SGCZ: variants seen among roughly 807,000 people sequenced by gnomAD.
SGCZ encodes sarcoglycan zeta.
A neutral mutation model predicts 41.3 loss-of-function variants in SGCZ; 40 were observed. The observed-to-expected ratio is 0.97, with a 90% CI of 0.75 to 1.26. The LOEUF (loss-of-function observed/expected upper bound fraction) is 1.26. SGCZ is among the 50% of genes most tolerant of loss of function. The pLI is 0.00. For synonymous variants in SGCZ, 206 were observed against 137.5 expected, an observed-to-expected ratio of 1.50 and a Z score of -3.49; for missense variants, 552 against 369.8, an observed-to-expected ratio of 1.49 and a Z score of -4.04.
chr8:15,116,166 C>G (rs528065751), intron 1 of SGCZ, among the ~76,000 whole-genome samples: 1 of 152,264 alleles, frequency 6.6e-6, no homozygotes, highest in African/African-American at 2.4e-5. Flanking sequence ...TGAAATGGTG[C>G]TACATCCCAT....
At chr8:14,627,688 G>A (rs554916185) in intron 1 of SGCZ, among the ~76,000 whole-genome samples, 1 of 151,966 alleles carries the variant, frequency 6.6e-6, no homozygotes, top group Non-Finnish European at 1.5e-5. Flanking sequence ...CCTTGGATTA[G>A]GCGCATCATA....
At chr8:14,288,865 A>G (rs1476265444) in intron 3 of SGCZ, among the ~76,000 whole-genome samples, 1 of 152,116 alleles carries the variant, frequency 6.6e-6, no homozygotes, top group Non-Finnish European at 1.5e-5. Context: ...AATGTTTTCC[A>G]TGGGGCTGTC....
intron 3 of SGCZ, among the ~76,000 whole-genome samples, chr8:14,286,284 C>T (rs1471064294): frequency 6.6e-6 from 1 of 152,118 alleles, no homozygotes; most frequent in Non-Finnish European, 1.5e-5. Context: ...AGACATCTGG[C>T]TAAGATCTGG....
intron 3 of SGCZ, among the ~76,000 whole-genome samples, chr8:14,273,322 T>G (rs1800120964): frequency 6.6e-6 from 1 of 152,286 alleles, no homozygotes; most frequent in East Asian, 1.9e-4. Context: ...ACCTAATATT[T>G]CCTTCCTTTA....
chr8:14,324,376 G>C (rs1358352949), intron 2 of SGCZ, among the ~76,000 whole-genome samples, 172 bp from the exon 3 acceptor site: 2 of 152,092 alleles, frequency 1.3e-5, no homozygotes, highest in Non-Finnish European at 2.9e-5. Flanking sequence ...CATGCATATA[G>C]AGGGCTCTAT....
chr8:14,290,133 C>G (rs1206592874), intron 3 of SGCZ, among the ~76,000 whole-genome samples: 1 of 151,900 alleles, frequency 6.6e-6, no homozygotes, highest in Non-Finnish European at 1.5e-5. Flanking sequence ...TGACACAGAG[C>G]CAAACTGTAT....
At chr8:14,930,704 G>C (rs370685097) in intron 1 of SGCZ, among the ~76,000 whole-genome samples, 1 of 151,950 alleles carries the variant, frequency 6.6e-6, no homozygotes, top group Non-Finnish European at 1.5e-5. Context: ...GATGACGCTG[G>C]AAACCATCAT....
At chr8:14,845,581 C>A (rs573694410) in intron 1 of SGCZ, among the ~76,000 whole-genome samples, 2 of 152,150 alleles carry the variant, frequency 1.3e-5, no homozygotes, top group Admixed American at 1.3e-4. Context: ...GACAGAAACA[C>A]GAATACAGTC....
intron 1 of SGCZ, among the ~76,000 whole-genome samples, chr8:15,234,328 C>T (rs914062037): frequency 3.3e-5 from 5 of 152,204 alleles, no homozygotes; most frequent in Admixed American, 1.3e-4. Context: ...TTAACACCCA[C>T]ATTTCCAAAG....
At chr8:14,284,119 T>C (rs1353264413) in intron 3 of SGCZ, among the ~76,000 whole-genome samples, 1 of 152,238 alleles carries the variant, frequency 6.6e-6, no homozygotes, top group African/African-American at 2.4e-5. Flanking sequence ...CTGCTGAGCC[T>C]CGTGGCCAAT....
intron 2 of SGCZ, among the ~76,000 whole-genome samples, chr8:14,360,537 G>A (rs1355115730): frequency 6.6e-6 from 1 of 152,022 alleles, no homozygotes; most frequent in Admixed American, 6.6e-5. Flanking sequence ...TGTTGGCCAG[G>A]CTGGTCTCGA....
chr8:14,335,101 T>C (rs964702229), intron 2 of SGCZ, among the ~76,000 whole-genome samples: 4 of 152,102 alleles, frequency 2.6e-5, no homozygotes, highest in African/African-American at 9.7e-5. Flanking sequence ...AGCAATATGA[T>C]TGATAACAGT....
chr8:14,739,309 A>G (rs1799135040), intron 1 of SGCZ, among the ~76,000 whole-genome samples: 1 of 152,104 alleles, frequency 6.6e-6, no homozygotes, highest in South Asian at 2.1e-4. Context: ...CTAGTATGCC[A>G]TCCAATGTTT....
chr8:15,216,190 T>C (rs1801393378), intron 1 of SGCZ, among the ~76,000 whole-genome samples: 1 of 151,850 alleles, frequency 6.6e-6, no homozygotes, highest in Admixed American at 6.6e-5. Flanking sequence ...AAAAGGATGT[T>C]TTAAGTATCA....
At chr8:14,431,650 C>A (rs542819044) in intron 2 of SGCZ, among the ~76,000 whole-genome samples, 18 of 152,178 alleles carry the variant, frequency 1.2e-4, no homozygotes, top group African/African-American at 4.3e-4. Flanking sequence ...GACAAAGAAC[C>A]CAAAATCAAA....
At chr8:14,642,470 G>A (rs943388129) in intron 1 of SGCZ, among the ~76,000 whole-genome samples, 2 of 151,098 alleles carry the variant, frequency 1.3e-5, no homozygotes, top group African/African-American at 2.4e-5. Context: ...CTATATGTAA[G>A]GTAACTTACT....
intron 3 of SGCZ, among the ~76,000 whole-genome samples, chr8:14,296,735 T>G (rs572620817): frequency 1.1e-4 from 16 of 152,084 alleles, no homozygotes; most frequent in African/African-American, 3.9e-4. Context: ...AGGAAATAGA[T>G]TAGGTCACTA....
In SGCZ at chr8:14,828,297, T is replaced by C. The variant is rs183576620; in HGVS notation, c.40-273371A>G. ...CAGGAACAAATGATTTATGTCAATT[T>C]GCAAGGAAAAAAGTTATCTTATTTG... is the stretch of plus-strand genomic sequence containing the variant. On this transcript the variant is annotated intron_variant, in intron 1 of 7. Coordinates refer to ENST00000382080, the MANE Select transcript of SGCZ (RefSeq NM_139167.4). Among the ~76,000 whole-genome samples the C allele has an allele frequency of 4.2e-3, 633 of 152,312 alleles. 5 individuals carry two copies. The highest frequency in any genetic ancestry group is 0.016 in the South Asian group (75 of 4,820).
intron 3 of SGCZ, among the ~76,000 whole-genome samples, chr8:14,318,949 A>C (rs556362312): frequency 2.5e-4 from 38 of 151,838 alleles, no homozygotes; most frequent in Non-Finnish European, 4.4e-4. Flanking sequence ...ACAAAAAAAA[A>C]TATGAATTAG....
Sources: gnomAD v4.1 joint callset for allele counts (sites outside exome capture counted in the v4.1 genomes callset) on GRCh38, gnomAD v4.1.1 for gene constraint, MANE v1.5 for transcripts, NCBI Gene and HGNC (gene_info 2026-07-23, HGNC 2026-07-21) for gene names.